NCR3LG1: variants seen among roughly 807,000 people sequenced by gnomAD.
The protein encoded by NCR3LG1 is natural cytotoxicity triggering receptor 3 ligand 1.
NCR3LG1 carries 35 observed loss-of-function variants against 34.8 expected under a neutral mutation model. The observed-to-expected ratio is 1.01, with a 90% CI of 0.77 to 1.33. The LOEUF is 1.33. Ranked by LOEUF, NCR3LG1 falls within the 40% of genes most tolerant of loss-of-function variation. NCR3LG1 has a pLI of 0.00. For missense variants in NCR3LG1, 452 were observed against 423.3 expected, an observed-to-expected ratio of 1.07 and a Z score of -0.60; for synonymous variants, 173 against 163.6, an observed-to-expected ratio of 1.06 and a Z score of -0.44.
In NCR3LG1 at chr11:17,373,078, T is replaced by C. The variant is rs2133366096; in HGVS notation, c.*566T>C. On this transcript the variant is annotated 3_prime_UTR_variant, in exon 5 of 5. Transcript: ENST00000338965. ...GTATGTTTATACCTCACATAAATAA[T>C]TCAATTGAGGGACAGCTAATTTTGA... is the stretch of plus-strand genomic sequence containing the variant. The C allele has an allele frequency of 6.6e-6, 1 of 152,284 alleles. No individual in the cohort carries two copies. The highest frequency in any genetic ancestry group is 1.5e-5 in the Non-Finnish European group (1 of 68,064). The allele number at this position is 152,284 out of a possible 1,614,324, so 9.4% of individuals were successfully genotyped here. A position where few individuals can be genotyped will look rare whatever the true frequency, so the allele number is the denominator to read the frequency against.
chr11:17,358,768 A>G (rs1029030668), intron 2 of NCR3LG1, among the ~76,000 whole-genome samples: 2 of 152,156 alleles, frequency 1.3e-5, no homozygotes, highest in African/African-American at 2.4e-5. Flanking sequence ...ATTGATATCA[A>G]TAAGGACTCA....
rs1953465970 is a variant in NCR3LG1 at position 17,375,490 on chromosome 11, A to G, written c.*2978A>G. 6.6e-6 allele frequency: 1 copy of G among 152,216 alleles called. No homozygotes were observed. The highest frequency in any genetic ancestry group is 1.5e-5 in the Non-Finnish European group (1 of 68,032). 9.4% of individuals were successfully genotyped at this position (152,216 alleles called of 1,614,324 possible). The stretch of plus-strand genomic sequence containing the variant: ...ATCAGTTGAGCTGATCCCTCTCACA[A>G]GAGCACTTGAACTAAGCAAAGGAAA... On this transcript the variant is annotated 3_prime_UTR_variant, in exon 5 of 5. Coordinates refer to ENST00000338965, the MANE Select transcript of NCR3LG1 (RefSeq NM_001202439.3).
chr11:17,378,347 A>G (rs1158734220), downstream of NCR3LG1, among the ~76,000 whole-genome samples: 1 of 152,204 alleles, frequency 6.6e-6, no homozygotes, highest in East Asian at 1.9e-4. Flanking sequence ...AGTTGGCTAC[A>G]ATCCCTCTTA....
In NCR3LG1 at chr11:17,374,962, G is replaced by A. The variant is rs554865161; in HGVS notation, c.*2450G>A. 5 of 152,346 alleles carry A rather than the reference G, an allele frequency of 3.3e-5. No individual in the cohort carries two copies. The East Asian group carries it at 9.7e-4, about 29-fold the overall frequency. The allele number at this position is 152,346 out of a possible 1,614,324, so 9.4% of individuals were successfully genotyped here. On this transcript the variant is annotated 3_prime_UTR_variant, in exon 5 of 5. Coordinates refer to ENST00000338965, the MANE Select transcript of NCR3LG1 (RefSeq NM_001202439.3). Reference sequence around the variant, plus strand: ...TTCAAGTTCAAGGCCCAGCTCAACAGCCAGTAGGTTACTTAAGTAGAGAGC... The same window carrying A: ...TTCAAGTTCAAGGCCCAGCTCAACAACCAGTAGGTTACTTAAGTAGAGAGC...
chr11:17,381,176 C>G (rs1395208493), downstream of NCR3LG1: 3 of 152,170 alleles, frequency 2.0e-5, no homozygotes, highest in South Asian at 2.1e-4. Context: ...CCTCATTACT[C>G]GTACTTCTAA....
At chr11:17,360,032 A>G (rs1564855486) in intron 2 of NCR3LG1, among the ~76,000 whole-genome samples, 1 of 151,198 alleles carries the variant, frequency 6.6e-6, no homozygotes, top group Non-Finnish European at 1.5e-5. Context: ...CAGCCTCCCA[A>G]GTAGCTAGGA....
At position 17,367,328 on chromosome 11, in the gene NCR3LG1, T is replaced by A; in HGVS notation, c.741T>A (p.Ala247=). Reference sequence around the variant, plus strand: ...TGAGGAGCAACTTTACCCTGACTGCTGCTCGGCACAGTCTTTCTGGTAAGG... The same window carrying A: ...TGAGGAGCAACTTTACCCTGACTGCAGCTCGGCACAGTCTTTCTGGTAAGG... ...TPLRSNFTLT[A]ARHSLSETEK... Residue 247 remains alanine (A), a synonymous_variant, in exon 3 of 5, where the codon GCT becomes GCA. Transcript: ENST00000338965. 1 of 1,534,252 alleles carries A rather than the reference T, an allele frequency of 6.5e-7. No homozygotes were observed. The highest frequency in any genetic ancestry group is 8.7e-7 in the Non-Finnish European group (1 of 1,145,520).
At chr11:17,359,429 GAATT>G (rs1270849937) in intron 2 of NCR3LG1, among the ~76,000 whole-genome samples, 1 of 151,008 alleles carries the variant, frequency 6.6e-6, no homozygotes, top group Non-Finnish European at 1.5e-5. Context: ...TCTGTTTATT[GAATT>G]AATTATTAAC....
chr11:17,370,139 G>A (rs577656135), intron 4 of NCR3LG1, among the ~76,000 whole-genome samples: 38 of 152,284 alleles, frequency 2.5e-4, no homozygotes, highest in African/African-American at 9.1e-4. Context: ...AGGATGGGGT[G>A]GAGCTACCAG....
chr11:17,365,734 G>A (rs1032182191), intron 2 of NCR3LG1, among the ~76,000 whole-genome samples: 6 of 152,196 alleles, frequency 3.9e-5, no homozygotes, highest in Non-Finnish European at 7.3e-5. Flanking sequence ...CAGTGTGATA[G>A]CATCCCCAAG....
chr11:17,360,002 C>G (rs538683935), intron 2 of NCR3LG1, among the ~76,000 whole-genome samples: 1 of 152,050 alleles, frequency 6.6e-6, no homozygotes, highest in East Asian at 1.9e-4. Context: ...TTCCCAGGCT[C>G]AGGTGATTCT....
At chr11:17,360,249 A>G (rs1564855565) in intron 2 of NCR3LG1, among the ~76,000 whole-genome samples, 2 of 152,088 alleles carry the variant, frequency 1.3e-5, no homozygotes, top group Non-Finnish European at 2.9e-5. Context: ...CATTTTTTAA[A>G]TTGTTGTGTT....
downstream of NCR3LG1, among the ~76,000 whole-genome samples, chr11:17,377,853 A>G (rs988394028): frequency 1.3e-5 from 2 of 152,180 alleles, no homozygotes; most frequent in Non-Finnish European, 2.9e-5. Context: ...TCCCTAGCCT[A>G]GCGTCTTTTC....
At position 17,372,074 on chromosome 11, in the gene NCR3LG1, C is replaced by T; in HGVS notation, c.927C>T (p.Asp309=). The change falls in exon 5 of 5, where the codon GAC becomes GAT. Residue 309 remains aspartate, a synonymous_variant. Transcript: ENST00000338965. ...KCILKHWNSF[D]TQTLKKEHLI... ...TTCTGAAACACTGGAACTCCTTTGA[C>T]ACTCAGACTCTGAAGAAAGAGCACC... is the stretch of plus-strand genomic sequence containing the variant. The T allele has an allele frequency of 2.8e-6, 2 of 702,964 alleles. No individual in the cohort carries two copies. The highest frequency in any genetic ancestry group is 1.7e-5 in the African/African-American group (1 of 57,374). The allele number at this position is 702,964 out of a possible 1,614,324, so 43.5% of individuals were successfully genotyped here.
At position 17,372,290 on chromosome 11, in the gene NCR3LG1, G is replaced by T; in HGVS notation, c.1143G>T (p.Gln381His). Residue 381 changes from glutamine (Q) to histidine (H), a missense_variant, in exon 5 of 5, where the codon CAG (glutamine) becomes CAT (histidine). Gln to His is a conservative substitution (Grantham distance 24). Coordinates refer to ENST00000338965, the MANE Select transcript of NCR3LG1 (RefSeq NM_001202439.3). ...FALRDNPDLC[Q>H]CCRIDPALLT... is the part of the protein sequence containing the mutation. Reference sequence around the variant, plus strand: ...TGCGAGACAACCCAGATCTTTGTCAGTGTTGTAGAATTGACCCTGCTCTCC... The same window carrying T: ...TGCGAGACAACCCAGATCTTTGTCATTGTTGTAGAATTGACCCTGCTCTCC... The T allele has an allele frequency of 4.3e-6, 3 of 703,128 alleles. No individual in the cohort carries two copies. Among genetic ancestry groups the T allele is most frequent in the Non-Finnish European group, 7.8e-6 (3 of 385,030 alleles). 43.6% of individuals were successfully genotyped at this position (703,128 alleles called of 1,614,324 possible).
chr11:17,371,955 C>T, intron 4 of NCR3LG1, 51 bp from the exon 5 acceptor site: 1 of 666,670 alleles, frequency 1.5e-6, no homozygotes. Context: ...GTCGATCACT[C>T]CAGAAGGACA....
At position 17,364,147 on chromosome 11, in the gene NCR3LG1, G is replaced by T. The variant is rs147761451; in HGVS notation, c.422-2862G>T. 8.1e-4 allele frequency among the ~76,000 whole-genome samples: 123 copies of T among 151,800 alleles called. 2 individuals carry two copies. The highest frequency in any genetic ancestry group is 5.6e-3 in the East Asian group (29 of 5,162). ...TCCCACAGTTCTTGGCTATTCTGGG[G>T]TTTTTTTTAAATTCTTTTTTCTCCT... On this transcript the variant is annotated intron_variant, in intron 2 of 4. Coordinates refer to ENST00000338965, the MANE Select transcript of NCR3LG1 (RefSeq NM_001202439.3).
At position 17,372,226 on chromosome 11, in the gene NCR3LG1, A is replaced by G. The variant is rs1334787221; in HGVS notation, c.1079A>G (p.Lys360Arg). The G allele has an allele frequency of 1.4e-6, 1 of 703,122 alleles. No individual in the cohort carries two copies. The highest frequency in any genetic ancestry group is 2.7e-5 in the East Asian group (1 of 37,286). 43.6% of individuals were successfully genotyped at this position (703,122 alleles called of 1,614,324 possible). Residue 360 changes from lysine to arginine, a missense_variant, in exon 5 of 5, where the codon AAA becomes AGA. Coordinates refer to ENST00000338965, the MANE Select transcript of NCR3LG1 (RefSeq NM_001202439.3). Reference protein sequence around the residue: ...QLDVFCRQEGKWSEVPYVQAF... With the variant: ...QLDVFCRQEGRWSEVPYVQAF... ...GATGTTTTCTGCAGACAGGAGGGCA[A>G]ATGGTCCGAGGTTCCTTATGTGCAA...
Position 17,372,611 on chromosome 11 carries a change from G to A in NCR3LG1, c.*99G>A, listed in dbSNP as rs1953424927. The A allele has an allele frequency of 1.6e-6, 1 of 608,250 alleles. No individual in the cohort carries two copies. The highest frequency in any genetic ancestry group is 2.9e-6 in the Non-Finnish European group (1 of 341,938). 37.7% of individuals were successfully genotyped at this position (608,250 alleles called of 1,614,324 possible). A position where few individuals can be genotyped will look rare whatever the true frequency, so the allele number is the denominator to read the frequency against. On this transcript the variant is annotated 3_prime_UTR_variant, in exon 5 of 5. Coordinates refer to ENST00000338965, the MANE Select transcript of NCR3LG1 (RefSeq NM_001202439.3). ...ACCTGGGCAAGTTCTCTGATGACCT[G>A]ATAGATATATAGAGGCTTTCCAAAA...
Sources: allele counts gnomAD v4.1 joint callset (sites outside exome capture counted in the v4.1 genomes callset), GRCh38; gene constraint gnomAD v4.1.1; transcripts MANE v1.5; gene names NCBI Gene and HGNC (gene_info 2026-07-23, HGNC 2026-07-21).